GLRB: variants seen among roughly 807,000 people sequenced by gnomAD.
The protein encoded by GLRB is glycine receptor beta.
In GLRB, 33 loss-of-function variants were observed where a neutral mutation model predicts 54.2. That is an observed-to-expected ratio of 0.61 (90% CI 0.46 to 0.81). The LOEUF (loss-of-function observed/expected upper bound fraction) is 0.81. Among genes scored for constraint, GLRB ranks in the 40% least tolerant of loss-of-function variants. The pLI, the probability that GLRB is intolerant of heterozygous loss-of-function variation, is 0.00. For synonymous variants in GLRB, 209 were observed against 208.2 expected (o/e 1.00, Z -0.03); for missense variants, 572 against 584.6 (o/e 0.98, Z 0.22).
intron 9 of GLRB, among the ~76,000 whole-genome samples, chr4:157,154,965 T>C (rs918398449): frequency 1.3e-5 from 2 of 152,210 alleles, no homozygotes; most frequent in Admixed American, 6.5e-5. Context: ...TCTTAAATAC[T>C]TCTGCATACA....
chr4:157,110,411 A>G (rs1039254985), intron 2 of GLRB, among the ~76,000 whole-genome samples: 4 of 151,526 alleles, frequency 2.6e-5, no homozygotes, highest in African/African-American at 7.3e-5. Flanking sequence ...TCTTCTGCTT[A>G]TTCTAATGTG....
chr4:157,077,780 A>T (rs1230765356), intron 1 of GLRB, among the ~76,000 whole-genome samples: 4 of 150,908 alleles, frequency 2.7e-5, no homozygotes, highest in Non-Finnish European at 5.9e-5. Context: ...CCATTATTTA[A>T]ACTGACTTTT....
chr4:157,086,057 C>T (rs1734400359), intron 2 of GLRB, among the ~76,000 whole-genome samples: 1 of 152,098 alleles, frequency 6.6e-6, no homozygotes, highest in Admixed American at 6.6e-5. Flanking sequence ...ACCTCAAACT[C>T]CTGGTGTCAA....
At chr4:157,093,626 A>G (rs1212500683) in intron 2 of GLRB, among the ~76,000 whole-genome samples, 1 of 151,938 alleles carries the variant, frequency 6.6e-6, no homozygotes. Flanking sequence ...GTGGTGGCAC[A>G]TGCCTTTAGT....
intron 2 of GLRB, among the ~76,000 whole-genome samples, chr4:157,092,973 C>T (rs913470126): frequency 2.0e-5 from 3 of 152,106 alleles, no homozygotes; most frequent in East Asian, 3.9e-4. Flanking sequence ...AGTTAAACTT[C>T]GGTCTTCTGC....
chr4:157,086,284 G>A (rs1181960317), intron 2 of GLRB, among the ~76,000 whole-genome samples: 2 of 152,114 alleles, frequency 1.3e-5, no homozygotes, highest in African/African-American at 2.4e-5. Context: ...ATATTACTTT[G>A]CTTTATAAAA....
chr4:157,118,444 T>C (rs1054425782), intron 2 of GLRB, among the ~76,000 whole-genome samples: 4 of 151,674 alleles, frequency 2.6e-5, no homozygotes, highest in African/African-American at 9.7e-5. Context: ...AAGGAAGTTA[T>C]AGTTTTACCT....
intron 7 of GLRB, 67 bp downstream of exon 7, chr4:157,139,016 A>C (rs1311941333): frequency 3.5e-6 from 3 of 866,800 alleles, no homozygotes; most frequent in African/African-American, 3.3e-5. Context: ...ATACATAGCC[A>C]AGGGGAGAGT....
chr4:157,107,390 T>A (rs1735265375), intron 2 of GLRB, among the ~76,000 whole-genome samples: 1 of 152,068 alleles, frequency 6.6e-6, no homozygotes, highest in African/African-American at 2.4e-5. Flanking sequence ...GGCCAGGTTG[T>A]GAATGCTAAG....
At chr4:157,167,645 T>G (rs989301897) in intron 9 of GLRB, among the ~76,000 whole-genome samples, 6 of 152,258 alleles carry the variant, frequency 3.9e-5, no homozygotes, top group Non-Finnish European at 8.8e-5. Flanking sequence ...TTAAAGAGTT[T>G]AGATTTTAGT....
intron 9 of GLRB, among the ~76,000 whole-genome samples, chr4:157,157,008 C>A (rs532372867): frequency 9.0e-4 from 137 of 152,284 alleles, no homozygotes; most frequent in African/African-American, 2.6e-3. Context: ...AGGTTTCCCA[C>A]TTCGTCAGGG....
intron 8 of GLRB, among the ~76,000 whole-genome samples, chr4:157,149,046 G>A (rs1240672528): frequency 1.3e-5 from 2 of 152,002 alleles, no homozygotes; most frequent in Non-Finnish European, 2.9e-5. Flanking sequence ...AGGATATCCA[G>A]TTAATATAGC....
intron 4 of GLRB, among the ~76,000 whole-genome samples, chr4:157,133,784 G>T (rs1182396197): frequency 6.6e-6 from 1 of 151,976 alleles, no homozygotes; most frequent in Non-Finnish European, 1.5e-5. Context: ...AAAATGCTTA[G>T]ACTTAATATA....
Position 157,147,099 on chromosome 4 carries a change from C to T in GLRB, c.904+3140C>T, listed in dbSNP as rs576648284. Among the ~76,000 whole-genome samples the T allele has an allele frequency of 2.0e-5, 3 of 152,196 alleles. No homozygotes were observed. The South Asian group carries it at 6.2e-4, about 32-fold the overall frequency. ...CAGTTAGGTGGAGATATCAGATAGG[C>T]AGTTGGATATGCAAGTCTGGGTTTA... On this transcript the variant is annotated intron_variant, in intron 8 of 9. Transcript: ENST00000264428.
chr4:157,134,831 C>T (rs896141277), intron 4 of GLRB, among the ~76,000 whole-genome samples: 7 of 152,040 alleles, frequency 4.6e-5, no homozygotes, highest in East Asian at 1.9e-4. Flanking sequence ...ATGGTAATTG[C>T]ACCAGGATAT....
At chr4:157,120,250 G>T in intron 2 of GLRB, among the ~76,000 whole-genome samples, 1 of 107,596 alleles carries the variant, frequency 9.3e-6, no homozygotes, top group African/African-American at 3.5e-5. Context: ...GGGGGAGGGG[G>T]GTGGGATAGC....
intron 9 of GLRB, among the ~76,000 whole-genome samples, chr4:157,164,151 T>G (rs1274467711): frequency 6.6e-6 from 1 of 152,152 alleles, no homozygotes; most frequent in Non-Finnish European, 1.5e-5. Flanking sequence ...AGTATTTTTT[T>G]TTTTTGTCTC....
intron 2 of GLRB, among the ~76,000 whole-genome samples, chr4:157,087,267 A>C (rs974380907): frequency 3.9e-5 from 6 of 152,286 alleles, no homozygotes; most frequent in African/African-American, 1.4e-4. Context: ...CTACTAAATC[A>C]TGATGGCAAA....
At chr4:157,143,079 C>T (rs943882456) in intron 7 of GLRB, among the ~76,000 whole-genome samples, 2 of 152,094 alleles carry the variant, frequency 1.3e-5, no homozygotes, top group Non-Finnish European at 2.9e-5. Flanking sequence ...GTCATGGCCA[C>T]TCTAGAATTA....
Sources: gnomAD v4.1 joint callset for allele counts (sites outside exome capture counted in the v4.1 genomes callset) on GRCh38, gnomAD v4.1.1 for gene constraint, MANE v1.5 for transcripts, NCBI Gene and HGNC (gene_info 2026-07-23, HGNC 2026-07-21) for gene names.